LFNG: variants seen among roughly 807,000 people sequenced by gnomAD.
LFNG encodes the protein LFNG O-fucosylpeptide 3-beta-N-acetylglucosaminyltransferase.
Under a neutral mutation model 32.7 loss-of-function variants are expected in LFNG, and 15 were observed. That is an observed-to-expected ratio of 0.46 (90% CI 0.31 to 0.71). The LOEUF (loss-of-function observed/expected upper bound fraction) is 0.71. LFNG is among the 30% of genes least tolerant of loss of function. The probability of loss-of-function intolerance (pLI) is 0.06; values close to 1 mark genes in which losing one functional copy is unlikely to be tolerated. For synonymous variants in LFNG, 274 were observed against 246.8 expected, an observed-to-expected ratio of 1.11 and a Z score of -1.03; for missense variants, 520 against 545.7, an observed-to-expected ratio of 0.95 and a Z score of 0.47.
In LFNG at chr7:2,520,446, G is replaced by T. The variant is rs984101511; in HGVS notation, c.432+153G>T. Among the ~76,000 whole-genome samples, 2 of 152,128 alleles carry T rather than the reference G, an allele frequency of 1.3e-5. No individual in the cohort carries two copies. The highest frequency in any genetic ancestry group is 2.4e-5 in the African/African-American group (1 of 41,442). ...ACGCCAGTGCACCCCGGTGCACCCA[G>T]TTTGCCTGCTGGGGCCACTCTCCCG... is the stretch of plus-strand genomic sequence containing the variant. On this transcript the variant is annotated intron_variant, in intron 1 of 7. Transcript: ENST00000222725. This position sits in a 1 kb window ranked among gnomAD's most constrained non-coding sequence, Gnocchi z 5.0.
Position 2,526,272 on chromosome 7 carries a change from C to G in LFNG, c.850C>G (p.Arg284Gly), listed in dbSNP as rs754159757. The change falls in exon 6 of 8, where the codon CGG becomes GGG. Residue 284 changes from arginine (R) to glycine (G), a missense_variant. Physicochemically the swap from Arg to Gly is moderately radical, Grantham distance 125. Coordinates refer to ENST00000222725, the MANE Select transcript of LFNG (RefSeq NM_001040167.2). The surrounding 1 kb of genome is among the most constrained non-coding windows in gnomAD (Gnocchi z 6.9). ...SGGHFMNTAE[R>G]IRLPDDCTIG... ...GGGTCACTTCATGAATACGGCTGAG[C>G]GGATCCGGCTGCCTGATGACTGCAC... 7 of 1,613,008 alleles carry G rather than the reference C, an allele frequency of 4.3e-6. No homozygotes were observed. Among genetic ancestry groups the G allele is most frequent in the East Asian group, 2.2e-5 (1 of 44,872 alleles).
chr7:2,524,211 T>C (rs544736754), intron 1 of LFNG, among the ~76,000 whole-genome samples: 27 of 152,246 alleles, frequency 1.8e-4, no homozygotes, highest in Admixed American at 9.1e-4. Context: ...CCCCGAGTGA[T>C]TGAGACTTGG....
intron 2 of LFNG, among the ~76,000 whole-genome samples, chr7:2,524,982 C>T (rs1459555643): frequency 5.3e-5 from 8 of 152,202 alleles, no homozygotes; most frequent in Non-Finnish European, 7.4e-5. Context: ...CAACAGGTGG[C>T]GGGTGCTGGG....
chr7:2,517,880 G>A, upstream of LFNG: 1 of 1,179,910 alleles, frequency 8.5e-7, no homozygotes, highest in Non-Finnish European at 1.1e-6. Context: ...TTTGCTCTTT[G>A]TGTGGGTGTG....
chr7:2,513,139 CCTA>C (rs199888881), upstream of LFNG: 6,057 of 1,613,008 alleles, frequency 3.8e-3, 194 homozygotes, highest in African/African-American at 0.07. Context: ...TGAATCCTCA[CCTA>C]CTACCTTCCC....
At chr7:2,515,359 G>A (rs1228490074), upstream of LFNG, among the ~76,000 whole-genome samples, 2 of 152,190 alleles carry the variant, frequency 1.3e-5, no homozygotes, top group East Asian at 3.8e-4. Flanking sequence ...CAAGCAGCAA[G>A]AGGCAGCCTC....
chr7:2,525,916 G>A (rs1485084929), intron 5 of LFNG, 146 bp downstream of exon 5: 1 of 788,284 alleles, frequency 1.3e-6, no homozygotes, highest in South Asian at 1.6e-5. Flanking sequence ...ACTTCCCTCT[G>A]GGTTTCAGAG....
upstream of LFNG, among the ~76,000 whole-genome samples, chr7:2,513,876 A>C (rs184362289): frequency 2.7e-4 from 41 of 152,348 alleles, no homozygotes; most frequent in African/African-American, 9.9e-4. Context: ...CTCAGACAGA[A>C]GCGCCAGAAA....
chr7:2,521,164 C>A (rs1405229307), intron 1 of LFNG, among the ~76,000 whole-genome samples: 1 of 152,114 alleles, frequency 6.6e-6, no homozygotes, highest in Non-Finnish European at 1.5e-5. Flanking sequence ...CTGGCGCTGT[C>A]CTGTTTTGGG....
chr7:2,527,366 C>G lies in LFNG; in HGVS notation c.*154C>G. 1 of 1,508,358 alleles carries G rather than the reference C, an allele frequency of 6.6e-7. No homozygotes were observed. Among genetic ancestry groups the G allele is most frequent in the Non-Finnish European group, 8.8e-7 (1 of 1,131,070 alleles). The allele number at this position is 1,508,358 out of a possible 1,614,324, so 93.4% of individuals were successfully genotyped here. A position where few individuals can be genotyped will look rare whatever the true frequency, so the allele number is the denominator to read the frequency against. On this transcript the variant is annotated 3_prime_UTR_variant, in exon 8 of 8. Coordinates refer to ENST00000222725, the MANE Select transcript of LFNG (RefSeq NM_001040167.2). The surrounding 1 kb of genome is among the most constrained non-coding windows in gnomAD (Gnocchi z 4.4). ...TGTGTGTGTGTGTACTGCATGCCCACCCGGGTAGCAGGCTGCTGGGCAGTT... is the reference window on the plus strand; with the variant it reads ...TGTGTGTGTGTGTACTGCATGCCCAGCCGGGTAGCAGGCTGCTGGGCAGTT...
At position 2,525,244 on chromosome 7, in the gene LFNG, G is replaced by C; in HGVS notation, c.507G>C (p.Ser169=). The part of the protein sequence containing the change: ...HTGNVVITNC[S]AAHSRQALSC... ...GCAACGTGGTCATCACAAACTGCTC[G>C]GCCGCCCACAGCCGCCAGGCGCTGT... The change falls in exon 3 of 8, where the codon TCG becomes TCC. Residue 169 remains serine (S), a synonymous_variant. Coordinates refer to ENST00000222725, the MANE Select transcript of LFNG (RefSeq NM_001040167.2). 6.2e-7 allele frequency: 1 copy of C among 1,612,902 alleles called. No homozygotes were observed. The highest frequency in any genetic ancestry group is 8.5e-7 in the Non-Finnish European group (1 of 1,179,894).
intron 1 of LFNG, among the ~76,000 whole-genome samples, chr7:2,521,338 G>A (rs1779784066): frequency 6.6e-6 from 1 of 152,176 alleles, no homozygotes; most frequent in Non-Finnish European, 1.5e-5. Context: ...CTGGCGGGAG[G>A]GGGCGGCGGG....
intron 1 of LFNG, 21 bp from the exon 2 acceptor site, chr7:2,524,674 A>C: frequency 6.4e-7 from 1 of 1,574,150 alleles, no homozygotes. Flanking sequence ...TGCCTGCTGA[A>C]GGCCGATTTT....
chr7:2,514,213 G>C (rs1178760961), upstream of LFNG, among the ~76,000 whole-genome samples: 5 of 152,242 alleles, frequency 3.3e-5, no homozygotes, highest in Admixed American at 6.5e-5. Flanking sequence ...CTCACCCTGA[G>C]ACCTATGCTC....
chr7:2,516,169 A>C (rs1779622739), upstream of LFNG, among the ~76,000 whole-genome samples: 2 of 152,236 alleles, frequency 1.3e-5, no homozygotes, highest in Admixed American at 1.3e-4. Context: ...CCCGAGCCAC[A>C]GCCACCACCA....
exon 1 of LFNG, chr7:2,512,593 G>A (rs1459058879): frequency 8.1e-6 from 12 of 1,483,166 alleles, no homozygotes; most frequent in South Asian, 5.7e-5. Context: ...AGGCCAAGGC[G>A]GCTCCTGGCC....
At chr7:2,518,711 G>A, upstream of LFNG, 1 of 1,444,452 alleles carries the variant, frequency 6.9e-7, no homozygotes, top group Non-Finnish European at 9.4e-7. Flanking sequence ...GGTCGTGGTG[G>A]TCGCAGAGAC....
At chr7:2,519,063 C>G (rs1276356190), upstream of LFNG, among the ~76,000 whole-genome samples, 83 of 152,170 alleles carry the variant, frequency 5.5e-4, 2 homozygotes, top group Admixed American at 5.4e-3. Context: ...TGGCGGCCTT[C>G]GTTTCTCCTC....
chr7:2,521,303 G>A (rs985582073), intron 1 of LFNG, among the ~76,000 whole-genome samples: 4 of 151,866 alleles, frequency 2.6e-5, no homozygotes, highest in Admixed American at 6.5e-5. Flanking sequence ...GGAACACAGC[G>A]TCCCATTCCC....
Sources: gnomAD v4.1 joint callset for allele counts (sites outside exome capture counted in the v4.1 genomes callset) on GRCh38, gnomAD v4.1.1 for gene constraint, Gnocchi (gnomAD v3.1) non-coding constraint, MANE v1.5 for transcripts, NCBI Gene and HGNC (gene_info 2026-07-23, HGNC 2026-07-21) for gene names.